The following ACO2 variants were observed in gnomAD, a reference collection of about 807,000 sequenced individuals.
ACO2 encodes aconitase 2.
A neutral mutation model predicts 84.5 loss-of-function variants in ACO2; 31 were observed. The ratio of observed to expected loss-of-function variants is 0.37; its 90% confidence interval spans 0.28 to 0.50. The LOEUF is 0.50. ACO2 is among the 20% of genes least tolerant of loss of function. The probability of loss-of-function intolerance (pLI) is 0.97; values close to 1 mark genes in which losing one functional copy is unlikely to be tolerated. For missense variants in ACO2, 685 were observed against 1,029.3 expected, an observed-to-expected ratio of 0.67 and a Z score of 4.58; for synonymous variants, 414 against 412.7, an observed-to-expected ratio of 1.00 and a Z score of -0.04.
chr22:41,520,368 ACTTT>A (rs1470837622), intron 9 of ACO2, 92 bp downstream of exon 9: 3 of 1,015,446 alleles, frequency 3.0e-6, no homozygotes, highest in Admixed American at 2.4e-5. Flanking sequence ...ACTGTGTGGC[ACTTT>A]CTAAGGTGGG....
intron 1 of ACO2, among the ~76,000 whole-genome samples, chr22:41,495,626 C>T (rs1343490264): frequency 1.4e-5 from 2 of 146,026 alleles, no homozygotes; most frequent in Non-Finnish European, 3.0e-5. Context: ...ATTTTTATTT[C>T]TTTTTTTTTT....
chr22:41,524,355 C>T (rs898143226), intron 12 of ACO2, among the ~76,000 whole-genome samples: 1 of 152,262 alleles, frequency 6.6e-6, no homozygotes, highest in Non-Finnish European at 1.5e-5. Flanking sequence ...CCATTGTTCC[C>T]GTGGCCAGAG....
intron 1 of ACO2, among the ~76,000 whole-genome samples, chr22:41,480,811 TTTGTTG>T (rs554572571): frequency 6.6e-6 from 1 of 152,110 alleles, no homozygotes; most frequent in African/African-American, 2.4e-5. Flanking sequence ...CTCTGCCATT[TTTGTTG>T]TTGTTGTTGT....
rs1286609900 is a variant in ACO2 at position 41,528,030 on chromosome 22, GC to G, written c.2208+11del. On this transcript the variant is annotated intron_variant, in intron 17 of 17. Transcript: ENST00000216254. ...GACTTCACCCCTGGCAAGGTTAGGG[GC>G]CCGGGTCCCCCTGAGGTGGTGGGGT... 6.2e-7 allele frequency: 1 copy of G among 1,614,104 alleles called. No individual in the cohort carries two copies. Among genetic ancestry groups the G allele is most frequent in the Non-Finnish European group, 8.5e-7 (1 of 1,180,018 alleles).
intron 9 of ACO2, among the ~76,000 whole-genome samples, chr22:41,522,495 C>G (rs1420526269): frequency 1.3e-5 from 2 of 152,208 alleles, no homozygotes; most frequent in Non-Finnish European, 2.9e-5. Flanking sequence ...CATCTCCTGT[C>G]AGCCCCAGCC....
chr22:41,486,469 A>ATTT (rs1186941362), intron 1 of ACO2, among the ~76,000 whole-genome samples: 2,223 of 104,458 alleles, frequency 0.021, 122 homozygotes, highest in African/African-American at 0.077. Flanking sequence ...AACTTTTTGT[A>ATTT]TTTTTTTTTT....
intron 15 of ACO2, 110 bp from the exon 16 acceptor site, chr22:41,527,178 G>C (rs1372709074): frequency 6.5e-7 from 1 of 1,535,126 alleles, no homozygotes. Flanking sequence ...CCTTTACCGG[G>C]AGCCTCAGGA....
chr22:41,522,492 T>C (rs1184374819), intron 9 of ACO2, among the ~76,000 whole-genome samples: 2 of 152,344 alleles, frequency 1.3e-5, no homozygotes, highest in East Asian at 3.9e-4. Context: ...TAGCATCTCC[T>C]GTCAGCCCCA....
intron 1 of ACO2, among the ~76,000 whole-genome samples, chr22:41,478,742 C>CCCT (rs1354857771): frequency 6.6e-6 from 1 of 151,506 alleles, no homozygotes; most frequent in Non-Finnish European, 1.5e-5. Context: ...AAAACCCCCG[C>CCCT]CCTGTCCCTG....
intron 2 of ACO2, among the ~76,000 whole-genome samples, chr22:41,502,272 A>G (rs148088216): frequency 2.0e-5 from 3 of 152,302 alleles, no homozygotes; most frequent in East Asian, 3.9e-4. Flanking sequence ...ATGGGCCAGC[A>G]GCATTGGCAT....
Position 41,518,522 on chromosome 22 carries a change from C to G in ACO2, c.982C>G (p.Pro328Ala). 1 of 1,613,864 alleles carries G rather than the reference C, an allele frequency of 6.2e-7. No individual in the cohort carries two copies. The highest frequency in any genetic ancestry group is 8.5e-7 in the Non-Finnish European group (1 of 1,179,832). The change falls in exon 8 of 18, where the codon CCT becomes GCT. Residue 328 changes from proline to alanine, a missense_variant. Pro to Ala is a conservative substitution (Grantham distance 27, BLOSUM62 -1). Transcript: ENST00000216254. ...TGATGAATTCAAGGATCACTTGGTG[C>G]CTGACCCTGGCTGCCATTATGACCA... ...LADEFKDHLV[P>A]DPGCHYDQLI...
intron 12 of ACO2, among the ~76,000 whole-genome samples, 174 bp from the exon 13 acceptor site, chr22:41,524,672 C>T (rs1253620546): frequency 6.6e-6 from 1 of 152,216 alleles, no homozygotes; most frequent in Non-Finnish European, 1.5e-5. Flanking sequence ...AGGCCCAAGG[C>T]CCCGTGGTCC....
In ACO2 at chr22:41,527,269, A is replaced by AC; in HGVS notation, c.1954-14dup. ...GTGCCCTCCTCTGCCTTATAACCTT[A>AC]CCCCCGCTTGCCTGACAGAAACATG... On this transcript the variant is annotated intron_variant, in intron 15 of 17. Transcript: ENST00000216254. The AC allele has an allele frequency of 6.2e-7, 1 of 1,613,184 alleles. No individual in the cohort carries two copies. Among genetic ancestry groups the AC allele is most frequent in the African/African-American group, 1.3e-5 (1 of 74,680 alleles).
At chr22:41,518,427 C>G (rs879140623) in intron 7 of ACO2, 54 bp from the exon 8 acceptor site, 8 of 1,435,570 alleles carry the variant, frequency 5.6e-6, no homozygotes, top group Non-Finnish European at 6.8e-6. Context: ...TGAGTGAACT[C>G]TCAAGAACAG....
At chr22:41,500,348 G>GTA (rs1169078365) in intron 2 of ACO2, among the ~76,000 whole-genome samples, 1 of 146,508 alleles carries the variant, frequency 6.8e-6, no homozygotes, top group African/African-American at 2.5e-5. Flanking sequence ...TTGAGGCAGA[G>GTA]TATATATATA....
chr22:41,508,112 C>G, intron 3 of ACO2, 63 bp downstream of exon 3: 1 of 1,548,570 alleles, frequency 6.5e-7, no homozygotes, highest in South Asian at 1.2e-5. Flanking sequence ...GCCTCACCCT[C>G]ACACTGGAGC....
chr22:41,469,179 G>T lies in ACO2; in HGVS notation c.33G>T (p.Leu11=), dbSNP rs1272752198. ...CCTACAGCCTACTGGTGACTCGGCT[G>T]CAGGTGAGCGAGCTCAGGGACCTCT... The part of the protein sequence containing the change: MAPYSLLVTR[L]QKALGVRQYH... Residue 11 remains leucine, a synonymous_variant, in exon 1 of 18, where the codon CTG becomes CTT. Coordinates refer to ENST00000216254, the MANE Select transcript of ACO2 (RefSeq NM_001098.3). 1 of 1,607,884 alleles carries T rather than the reference G, an allele frequency of 6.2e-7. No individual in the cohort carries two copies. Among genetic ancestry groups the T allele is most frequent in the Admixed American group, 1.7e-5 (1 of 59,378 alleles).
intron 1 of ACO2, among the ~76,000 whole-genome samples, chr22:41,493,505 A>G (rs1333591149): frequency 6.6e-6 from 1 of 152,252 alleles, no homozygotes; most frequent in Non-Finnish European, 1.5e-5. Context: ...AGATAGGTGA[A>G]CTGGCAAAGA....
At chr22:41,471,782 G>A (rs1275177279) in intron 1 of ACO2, among the ~76,000 whole-genome samples, 4 of 152,202 alleles carry the variant, frequency 2.6e-5, no homozygotes, top group Non-Finnish European at 1.5e-5. Context: ...GTGAGATGAG[G>A]CAGGCCTATT....
Sources: allele counts gnomAD v4.1 joint callset (sites outside exome capture counted in the v4.1 genomes callset), GRCh38; gene constraint gnomAD v4.1.1; transcripts MANE v1.5; gene names NCBI Gene and HGNC (gene_info 2026-07-23, HGNC 2026-07-21).